MAN1C1: variants seen among roughly 807,000 people sequenced by gnomAD.
MAN1C1 encodes mannosidase alpha class 1C member 1.
Under a neutral mutation model 71.5 loss-of-function variants are expected in MAN1C1, and 49 were observed. That is an observed-to-expected ratio of 0.69 (90% CI 0.54 to 0.87). The LOEUF (loss-of-function observed/expected upper bound fraction) is 0.87, where lower values mean the gene tolerates loss of function less well. Among genes scored for constraint, MAN1C1 ranks in the 40% least tolerant of loss-of-function variants. The probability of loss-of-function intolerance (pLI) is 0.00; values close to 1 mark genes in which losing one functional copy is unlikely to be tolerated. For synonymous variants in MAN1C1, 352 were observed against 343.7 expected (o/e 1.02, Z -0.27); for missense variants, 743 against 835.0 (o/e 0.89, Z 1.36).
chr1:25,664,034 T>G (rs1330861194), intron 1 of MAN1C1, among the ~76,000 whole-genome samples: 1 of 152,204 alleles, frequency 6.6e-6, no homozygotes. Context: ...TTCTTCTTGG[T>G]GCTTCTTTAA....
At chr1:25,678,052 A>G (rs1393782227) in intron 1 of MAN1C1, among the ~76,000 whole-genome samples, 1 of 152,008 alleles carries the variant, frequency 6.6e-6, no homozygotes, top group Non-Finnish European at 1.5e-5. Flanking sequence ...ATATAGGTCA[A>G]TAAGAAGAAA....
chr1:25,746,787 A>G lies in MAN1C1; in HGVS notation c.753+4A>G. On this transcript the variant is annotated splice_donor_region_variant and intron_variant, in intron 3 of 11. Transcript: ENST00000374332. This position sits in a 1 kb window ranked among gnomAD's most constrained non-coding sequence, Gnocchi z 4.0. ...AGAGAGCTTCCACCTGAACGTGGTG[A>G]GTCAGAGGCCCTCGGCGGGGGAGGG... 1.3e-6 allele frequency: 1 copy of G among 748,544 alleles called. No individual in the cohort carries two copies. Among genetic ancestry groups the G allele is most frequent in the Non-Finnish European group, 2.0e-6 (1 of 494,550 alleles). 46.4% of individuals were successfully genotyped at this position (748,544 alleles called of 1,614,324 possible). A position where few individuals can be genotyped will look rare whatever the true frequency, so the allele number is the denominator to read the frequency against.
chr1:25,652,096 C>T (rs1268459853), intron 1 of MAN1C1, among the ~76,000 whole-genome samples: 1 of 152,212 alleles, frequency 6.6e-6, no homozygotes, highest in Non-Finnish European at 1.5e-5. Context: ...CAGCTCTTGA[C>T]TCCTAAAAGT....
intron 1 of MAN1C1, among the ~76,000 whole-genome samples, chr1:25,627,168 C>T (rs1287726342): frequency 6.6e-6 from 1 of 152,196 alleles, no homozygotes; most frequent in East Asian, 1.9e-4. Flanking sequence ...GATGCCTTCG[C>T]TGAACTAATT....
Position 25,778,166 on chromosome 1 carries a change from G to A in MAN1C1, c.1319G>A (p.Arg440Gln), listed in dbSNP as rs1458744212. Residue 440 changes from arginine to glutamine, a missense_variant, in exon 9 of 12, where the codon CGA becomes CAA. Coordinates refer to ENST00000374332, the MANE Select transcript of MAN1C1 (RefSeq NM_020379.4). This position sits in a 1 kb window ranked among gnomAD's most constrained non-coding sequence, Gnocchi z 5.5. ...PGGLTYIAEW[R>Q]GGILDHKMGH... ...GGGCTGACCTACATTGCCGAGTGGC[G>A]AGGGGGGATTCTGGACCACAAGATG... is the stretch of plus-strand genomic sequence containing the variant. 8.7e-6 allele frequency: 14 copies of A among 1,609,266 alleles called. No homozygotes were observed. Among genetic ancestry groups the A allele is most frequent in the Non-Finnish European group, 1.1e-5 (13 of 1,177,072 alleles).
Position 25,776,611 on chromosome 1 carries a change from T to C in MAN1C1, c.1258-1494T>C, listed in dbSNP as rs2047622391. On this transcript the variant is annotated intron_variant, in intron 8 of 11. Transcript: ENST00000374332. The surrounding 1 kb of genome is among the most constrained non-coding windows in gnomAD (Gnocchi z 4.3). ...TGGTTTTGTTGGGAATTCTCTGCACTAATGGGTGAGCTCCCTGAGGCAGAG... is the reference window on the plus strand; with the variant it reads ...TGGTTTTGTTGGGAATTCTCTGCACCAATGGGTGAGCTCCCTGAGGCAGAG... 6.6e-6 allele frequency among the ~76,000 whole-genome samples: 1 copy of C among 152,188 alleles called. No homozygotes were observed. Among genetic ancestry groups the C allele is most frequent in the Admixed American group, 6.5e-5 (1 of 15,284 alleles).
At chr1:25,706,269 G>A (rs193168409) in intron 2 of MAN1C1, among the ~76,000 whole-genome samples, 7 of 152,304 alleles carry the variant, frequency 4.6e-5, no homozygotes, top group East Asian at 1.9e-4. Flanking sequence ...AGGAAGAATC[G>A]GCAGTGTTTG....
chr1:25,749,443 C>T, intron 4 of MAN1C1, 108 bp downstream of exon 4: 1 of 990,650 alleles, frequency 1.0e-6, no homozygotes. Context: ...CTTAAGGGGG[C>T]AGGGATGGGC....
chr1:25,723,098 C>CG (rs2124280858), intron 2 of MAN1C1, among the ~76,000 whole-genome samples: 1 of 123,606 alleles, frequency 8.1e-6, no homozygotes, highest in East Asian at 2.4e-4. Context: ...TTCACTGTGC[C>CG]GGGAAATTAA....
In MAN1C1 at chr1:25,620,308, A is replaced by C. The variant is rs3767922; in HGVS notation, c.540+1971A>C. Among the ~76,000 whole-genome samples the C allele has an allele frequency of 2.0e-5, 3 of 152,162 alleles. No homozygotes were observed. In the East Asian group the frequency reaches 5.8e-4, roughly 29 times the overall value. On this transcript the variant is annotated intron_variant, in intron 1 of 11. Transcript: ENST00000374332. Reference sequence around the variant, plus strand: ...CTGGTACTAGCTGGAGGCATGCTGCATATACTTGGAGTTGGTGTTCAGCTA... The same window carrying C: ...CTGGTACTAGCTGGAGGCATGCTGCCTATACTTGGAGTTGGTGTTCAGCTA...
intron 2 of MAN1C1, among the ~76,000 whole-genome samples, chr1:25,714,395 G>C (rs1046026285): frequency 3.3e-5 from 5 of 152,190 alleles, no homozygotes; most frequent in African/African-American, 1.2e-4. Context: ...TTGTTTATAA[G>C]TAAAACTATT....
rs538928785 is a variant in MAN1C1 at position 25,672,453 on chromosome 1, C to T, written c.541-13987C>T. Among the ~76,000 whole-genome samples, 4 of 152,324 alleles carry T rather than the reference C, an allele frequency of 2.6e-5. No homozygotes were observed. In the South Asian group the frequency reaches 8.3e-4, roughly 32 times the overall value. On this transcript the variant is annotated intron_variant, in intron 1 of 11. Transcript: ENST00000374332. The stretch of plus-strand genomic sequence containing the variant: ...AGTTGACATCTACCATGAACCATCA[C>T]AGGGAGAATCCCTTCGAGAGGCCAC...
At chr1:25,760,572 A>G (rs2047346872) in intron 6 of MAN1C1, 1 of 152,194 alleles carries the variant, frequency 6.6e-6, no homozygotes, top group Non-Finnish European at 1.5e-5. Context: ...GCTCACCACC[A>G]GGACAGTCGA....
At chr1:25,767,171 T>A (rs1194444777) in intron 7 of MAN1C1, among the ~76,000 whole-genome samples, 1 of 135,286 alleles carries the variant, frequency 7.4e-6, no homozygotes, top group South Asian at 2.2e-4. Flanking sequence ...CACACACCCC[T>A]ACCACCCCAC....
chr1:25,752,716 G>A (rs1321589244), intron 4 of MAN1C1, among the ~76,000 whole-genome samples: 1 of 152,242 alleles, frequency 6.6e-6, no homozygotes, highest in Non-Finnish European at 1.5e-5. Context: ...GTTTGAAGGG[G>A]TCTGAGCCTC....
chr1:25,617,806 G>T lies in MAN1C1; in HGVS notation c.9G>T (p.Met3Ile). 1 of 1,599,424 alleles carries T rather than the reference G, an allele frequency of 6.3e-7. No homozygotes were observed. The change falls in exon 1 of 12, where the codon ATG becomes ATT. Residue 3 changes from methionine to isoleucine, a missense_variant. Transcript: ENST00000374332. This position sits in a 1 kb window ranked among gnomAD's most constrained non-coding sequence, Gnocchi z 5.1. Reference protein sequence around the residue: MLMRKVPGFVPAS... With the variant: MLIRKVPGFVPAS... ...CCACCGGCCGGGCCACGATGCTCAT[G>T]AGGAAAGTGCCCGGCTTCGTCCCGG...
intron 1 of MAN1C1, among the ~76,000 whole-genome samples, chr1:25,636,540 GCAGT>G (rs1407994334): frequency 5.3e-5 from 8 of 152,296 alleles, no homozygotes; most frequent in African/African-American, 7.2e-5. Context: ...AACCCTGCAG[GCAGT>G]CAGACCTTAT....
At chr1:25,621,043 T>C (rs1338731400) in intron 1 of MAN1C1, among the ~76,000 whole-genome samples, 1 of 152,240 alleles carries the variant, frequency 6.6e-6, no homozygotes, top group African/African-American at 2.4e-5. Flanking sequence ...TGTCTGACTT[T>C]GGGCAACCCA....
chr1:25,756,246 G>A (rs1239371382), intron 5 of MAN1C1, among the ~76,000 whole-genome samples: 2 of 152,218 alleles, frequency 1.3e-5, no homozygotes, highest in Non-Finnish European at 2.9e-5. Flanking sequence ...TGAGGAAACT[G>A]AGTTCTAGGG....
Sources: allele counts gnomAD v4.1 joint callset (sites outside exome capture counted in the v4.1 genomes callset), GRCh38; gene constraint gnomAD v4.1.1; non-coding constraint Gnocchi (gnomAD v3.1); transcripts MANE v1.5; gene names NCBI Gene and HGNC (gene_info 2026-07-23, HGNC 2026-07-21).